Variants in TREM1 observed in about 807,000 individuals in gnomAD.
TREM1 encodes the protein triggering receptor expressed on myeloid cells 1.
A neutral mutation model predicts 22.4 loss-of-function variants in TREM1; 16 were observed. That is an observed-to-expected ratio of 0.71 (90% CI 0.48 to 1.08). The LOEUF (loss-of-function observed/expected upper bound fraction) is 1.08. TREM1 is among the 50% of genes least tolerant of loss of function. TREM1 has a pLI of 0.00. For missense variants in TREM1, 283 were observed against 282.9 expected, an observed-to-expected ratio of 1.00 and a Z score of 0.00; for synonymous variants, 110 against 111.6, an observed-to-expected ratio of 0.99 and a Z score of 0.09.
intron 2 of TREM1, 113 bp from the exon 3 acceptor site, chr6:41,281,266 G>T (rs1414825663): frequency 2.4e-6 from 3 of 1,229,802 alleles, no homozygotes; most frequent in South Asian, 3.0e-5. Context: ...GTTGATGGAC[G>T]GGTAGGTGGT....
At chr6:41,278,741 C>T (rs964651453) in intron 3 of TREM1, among the ~76,000 whole-genome samples, 2 of 151,980 alleles carry the variant, frequency 1.3e-5, no homozygotes, top group African/African-American at 4.8e-5. Flanking sequence ...TGGATTTTGG[C>T]TGAAAGGATA....
At chr6:41,272,410 G>A (rs941733380), downstream of TREM1, among the ~76,000 whole-genome samples, 4 of 152,112 alleles carry the variant, frequency 2.6e-5, no homozygotes, top group African/African-American at 9.7e-5. Context: ...AACAAACATT[G>A]TTCATCCCCC....
chr6:41,280,760 G>T, intron 3 of TREM1: 2 of 1,446,470 alleles, frequency 1.4e-6, no homozygotes, highest in Non-Finnish European at 9.0e-7. Context: ...CTGGGGAGAA[G>T]GACAGCCTGG....
chr6:41,283,793 A>G (rs1361239996), intron 1 of TREM1, among the ~76,000 whole-genome samples: 1 of 152,130 alleles, frequency 6.6e-6, no homozygotes, highest in Non-Finnish European at 1.5e-5. Context: ...GAAGGAGCAC[A>G]TGGCTGAGCT....
At chr6:41,270,989 A>T (rs1006551614), downstream of TREM1, among the ~76,000 whole-genome samples, 1 of 152,124 alleles carries the variant, frequency 6.6e-6, no homozygotes, top group African/African-American at 2.4e-5. Context: ...TACAGGTGCG[A>T]GCCATAGCAC....
downstream of TREM1, among the ~76,000 whole-genome samples, chr6:41,271,496 G>A: frequency 6.6e-6 from 1 of 152,120 alleles, no homozygotes; most frequent in East Asian, 1.9e-4. Context: ...CAGAAGTTTT[G>A]TTTTCATGTT....
chr6:41,271,410 C>T (rs980517491), downstream of TREM1, among the ~76,000 whole-genome samples: 4 of 152,112 alleles, frequency 2.6e-5, no homozygotes, highest in Non-Finnish European at 5.9e-5. Context: ...ACAGGATTTG[C>T]CCCAGCCCTG....
rs1767610435 is a variant in TREM1 at position 41,275,034 on chromosome 6, G to GT, written c.*1090_*1091insA. The stretch of plus-strand genomic sequence containing the variant: ...TCCTGATTGAAATCTGTGGGAGATT[G>GT]CAAGACAATCTCCCACAGAGATTGT... On this transcript the variant is annotated 3_prime_UTR_variant, in exon 4 of 4. Coordinates refer to ENST00000244709, the MANE Select transcript of TREM1 (RefSeq NM_018643.5). Among the ~76,000 whole-genome samples, 2 of 151,474 alleles carry GT rather than the reference G, an allele frequency of 1.3e-5. No homozygotes were observed. The highest frequency in any genetic ancestry group is 3.4e-3 in the Middle Eastern group (1 of 294).
Position 41,276,035 on chromosome 6 carries a change from C to A in TREM1, c.*90G>T, listed in dbSNP as rs1005216671. 4.3e-6 allele frequency: 4 copies of A among 933,274 alleles called. No homozygotes were observed. The Admixed American group carries it at 7.1e-5, about 16-fold the overall frequency. The allele number at this position is 933,274 out of a possible 1,614,324, so 57.8% of individuals were successfully genotyped here. A position where few individuals can be genotyped will look rare whatever the true frequency, so the allele number is the denominator to read the frequency against. ...ACAGATTTAATTCATGTTATTAACT[C>A]CCTGCCTTTTACCTCCTCCCTCCTC... On this transcript the variant is annotated 3_prime_UTR_variant, in exon 4 of 4. Transcript: ENST00000244709.
At chr6:41,270,689 T>C (rs182225334), downstream of TREM1, among the ~76,000 whole-genome samples, 4 of 152,228 alleles carry the variant, frequency 2.6e-5, no homozygotes, top group South Asian at 2.1e-4. Context: ...TGGCTTTTGC[T>C]TTCTGGTACA....
rs1440685099 is a variant in TREM1, at chr6:41,279,525, A to C, written c.599+1436T>G. On this transcript the variant is annotated intron_variant, in intron 3 of 3. Coordinates refer to ENST00000244709, the MANE Select transcript of TREM1 (RefSeq NM_018643.5). ...AAATGAAAGTAGAGGAAAAAAAAAA[A>C]TTGACTCTTAGTAGATCATTCGTTT... 4.1e-6 allele frequency: 4 copies of C among 983,502 alleles called. No homozygotes were observed. In the African/African-American group the frequency reaches 7.1e-5, roughly 17 times the overall value. 60.9% of individuals were successfully genotyped at this position (983,502 alleles called of 1,614,324 possible).
At chr6:41,283,719 A>AAACACACACAC (rs1554147927) in intron 1 of TREM1, among the ~76,000 whole-genome samples, 1 of 146,940 alleles carries the variant, frequency 6.8e-6, no homozygotes. Context: ...TAAAAAAAAA[A>AAACACACACAC]ACACACACAC....
intron 1 of TREM1, among the ~76,000 whole-genome samples, chr6:41,283,287 G>A (rs2113993784): frequency 6.6e-6 from 1 of 152,290 alleles, no homozygotes; most frequent in African/African-American, 2.4e-5. Flanking sequence ...CTGACTGCCT[G>A]GCACTCCTTT....
intron 3 of TREM1, among the ~76,000 whole-genome samples, chr6:41,279,153 T>C (rs1057419212): frequency 7.2e-5 from 11 of 152,194 alleles, no homozygotes; most frequent in Non-Finnish European, 1.6e-4. Flanking sequence ...ACCATCCCTT[T>C]ACCCACAGAG....
At position 41,285,026 on chromosome 6, in the gene TREM1, G is replaced by T. The variant is rs557401588; in HGVS notation, c.49+1581C>A. 2.6e-5 allele frequency among the ~76,000 whole-genome samples: 4 copies of T among 152,314 alleles called. No homozygotes were observed. The South Asian group carries it at 8.3e-4, about 32-fold the overall frequency. On this transcript the variant is annotated intron_variant, in intron 1 of 3. Coordinates refer to ENST00000244709, the MANE Select transcript of TREM1 (RefSeq NM_018643.5). ...CTGGCTGGGAGACTTCTCTATCATAGGCACTGTGCTGGGCTCTTTGGAAGA... is the reference window on the plus strand; with the variant it reads ...CTGGCTGGGAGACTTCTCTATCATATGCACTGTGCTGGGCTCTTTGGAAGA...
intron 3 of TREM1, chr6:41,279,871 C>G (rs1383157122): frequency 1.0e-5 from 10 of 983,380 alleles, no homozygotes; most frequent in Middle Eastern, 5.2e-4. Context: ...TTTAAATTAT[C>G]TCATGGAAAT....
chr6:41,286,097 C>T (rs529194319), intron 1 of TREM1, among the ~76,000 whole-genome samples: 9 of 152,302 alleles, frequency 5.9e-5, no homozygotes, highest in Non-Finnish European at 8.8e-5. Flanking sequence ...CCAACCCCAG[C>T]GTGCCATGGA....
downstream of TREM1, among the ~76,000 whole-genome samples, chr6:41,270,454 T>TATATATATATATATATATA (rs1767448489): frequency 3.1e-4 from 1 of 3,248 alleles, no homozygotes; most frequent in African/African-American, 5.6e-4. Flanking sequence ...ATAATATATA[T>TATATATATATATATATATA]ATATATATAT....
chr6:41,284,016 C>A (rs1768050470), intron 1 of TREM1, among the ~76,000 whole-genome samples: 1 of 151,934 alleles, frequency 6.6e-6, no homozygotes, highest in Non-Finnish European at 1.5e-5. Context: ...GAGAAAAAAA[C>A]CCACGTTATC....
Sources: gnomAD v4.1 joint callset for allele counts (sites outside exome capture counted in the v4.1 genomes callset) on GRCh38, gnomAD v4.1.1 for gene constraint, MANE v1.5 for transcripts, NCBI Gene and HGNC (gene_info 2026-07-23, HGNC 2026-07-21) for gene names.